DOCK7: variants seen among roughly 807,000 people sequenced by gnomAD.
The protein encoded by DOCK7 is dedicator of cytokinesis 7, also known as dedicator of cytokinesis protein 7.
A neutral mutation model predicts 271.0 loss-of-function variants in DOCK7; 138 were observed. The observed-to-expected ratio is 0.51, with a 90% CI of 0.44 to 0.59. The LOEUF (loss-of-function observed/expected upper bound fraction) is 0.59. Ranked by LOEUF, DOCK7 falls within the 20% of genes least tolerant of loss-of-function variation. The pLI, the probability that DOCK7 is intolerant of heterozygous loss-of-function variation, is 0.00. For synonymous variants in DOCK7, 823 were observed against 876.1 expected (o/e 0.94, Z 1.07); for missense variants, 2,066 against 2,592.4 (o/e 0.80, Z 4.41).
At chr1:62,501,291 G>A (rs1646776672) in intron 37 of DOCK7, among the ~76,000 whole-genome samples, 1 of 152,158 alleles carries the variant, frequency 6.6e-6, no homozygotes, top group Non-Finnish European at 1.5e-5. Flanking sequence ...CTGGTGGTAA[G>A]CAATATTTCA....
At chr1:62,572,788 A>G (rs1305475873) in intron 18 of DOCK7, among the ~76,000 whole-genome samples, 1 of 152,122 alleles carries the variant, frequency 6.6e-6, no homozygotes, top group Admixed American at 6.6e-5. Flanking sequence ...TCAACATATG[A>G]TTTTTTGGGG....
At chr1:62,555,800 C>T in intron 21 of DOCK7, 25 bp downstream of exon 21, 1 of 1,595,390 alleles carries the variant, frequency 6.3e-7, no homozygotes. Context: ...TGAAAGACAG[C>T]TTCATAGTAA....
intron 21 of DOCK7, among the ~76,000 whole-genome samples, chr1:62,553,650 G>GT (rs921438781): frequency 2.7e-5 from 4 of 150,524 alleles, no homozygotes; most frequent in African/African-American, 7.3e-5. Flanking sequence ...ACTGGGAAAT[G>GT]TTTTTTTTAG....
chr1:62,525,604 A>C (rs1363424169), intron 31 of DOCK7, among the ~76,000 whole-genome samples: 1 of 152,232 alleles, frequency 6.6e-6, no homozygotes, highest in Non-Finnish European at 1.5e-5. Context: ...GGGAGAGATC[A>C]AATTGAGGAA....
chr1:62,584,433 T>G, intron 15 of DOCK7: 1 of 995,564 alleles, frequency 1.0e-6, no homozygotes. Context: ...AAACACAGTA[T>G]GTCTATGTTT....
At chr1:62,547,908 T>C (rs536099713) in intron 22 of DOCK7, among the ~76,000 whole-genome samples, 1 of 152,292 alleles carries the variant, frequency 6.6e-6, no homozygotes, top group African/African-American at 2.4e-5. Flanking sequence ...ACCAAAACTT[T>C]CATAAAGTCA....
chr1:62,619,860 A>G, intron 13 of DOCK7, 40 bp downstream of exon 13: 1 of 1,317,524 alleles, frequency 7.6e-7, no homozygotes, highest in Non-Finnish European at 1.1e-6. Context: ...AGTAGTGATA[A>G]TAATAGTTGC....
intron 1 of DOCK7, among the ~76,000 whole-genome samples, chr1:62,670,194 G>T (rs910187055): frequency 6.6e-6 from 1 of 152,218 alleles, no homozygotes; most frequent in Non-Finnish European, 1.5e-5. Flanking sequence ...GCTCCTTTGC[G>T]GCCCGAGCCT....
At chr1:62,538,739 T>C (rs1473310642) in intron 27 of DOCK7, among the ~76,000 whole-genome samples, 1 of 152,210 alleles carries the variant, frequency 6.6e-6, no homozygotes, top group Non-Finnish European at 1.5e-5. Flanking sequence ...TTCTAAATAT[T>C]AGACTGCCAA....
chr1:62,491,350 A>G (rs1646459437), intron 41 of DOCK7, among the ~76,000 whole-genome samples: 1 of 152,216 alleles, frequency 6.6e-6, no homozygotes, highest in African/African-American at 2.4e-5. Flanking sequence ...GCGTGTCCTA[A>G]ACCTCGGTGC....
At position 62,504,637 on chromosome 1, in the gene DOCK7, A is replaced by G. The variant is rs985012299; in HGVS notation, c.4757T>C (p.Ile1586Thr). 21 of 1,609,966 alleles carry G rather than the reference A, an allele frequency of 1.3e-5. No homozygotes were observed. Among genetic ancestry groups the G allele is most frequent in the Non-Finnish European group, 1.8e-5 (21 of 1,178,858 alleles). The change falls in exon 37 of 50, where the codon ATT (isoleucine) becomes ACT (threonine). Residue 1586 changes from isoleucine to threonine, a missense_variant. Ile to Thr is a moderately conservative substitution (Grantham distance 89, BLOSUM62 -1). Coordinates refer to ENST00000635253, the MANE Select transcript of DOCK7 (RefSeq NM_001367561.1). ...TCATGATAAAATACTTACATTCCCA[A>G]TCTCAAAGTTTTGCCTCATTAGTAG... ...LYLLMRQNFE[I>T]GNNFARVKMQ...
chr1:62,510,740 G>T, intron 33 of DOCK7, 67 bp from the exon 34 acceptor site: 1 of 1,207,140 alleles, frequency 8.3e-7, no homozygotes, highest in Non-Finnish European at 1.2e-6. Flanking sequence ...ATGTATACTT[G>T]CAATCATGTA....
intron 7 of DOCK7, among the ~76,000 whole-genome samples, chr1:62,640,131 G>A (rs962651739): frequency 1.3e-5 from 2 of 151,926 alleles, no homozygotes; most frequent in African/African-American, 2.4e-5. Flanking sequence ...TACTTACAAC[G>A]ATGAAAGAAA....
At chr1:62,508,143 A>C in intron 34 of DOCK7, 85 bp from the exon 35 acceptor site, 4 of 1,221,026 alleles carry the variant, frequency 3.3e-6, no homozygotes, top group Non-Finnish European at 4.4e-6. Flanking sequence ...AGAAATAAAA[A>C]ATTTCAAACC....
At chr1:62,604,750 G>T in intron 14 of DOCK7, 2 of 1,613,096 alleles carry the variant, frequency 1.2e-6, no homozygotes, top group Middle Eastern at 1.7e-4. Context: ...TCTCAAAATG[G>T]AAGGTTATAC....
chr1:62,602,434 T>C, intron 14 of DOCK7: 2 of 1,491,412 alleles, frequency 1.3e-6, no homozygotes, highest in South Asian at 2.3e-5. Flanking sequence ...AAATATTTAC[T>C]GAGAACCTCT....
At chr1:62,592,794 T>C (rs552233515) in intron 14 of DOCK7, among the ~76,000 whole-genome samples, 4 of 152,140 alleles carry the variant, frequency 2.6e-5, no homozygotes, top group Non-Finnish European at 5.9e-5. Flanking sequence ...AAAGAGGAAC[T>C]CTCATATACT....
chr1:62,525,786 G>A (rs1274113477), intron 31 of DOCK7, among the ~76,000 whole-genome samples: 1 of 152,028 alleles, frequency 6.6e-6, no homozygotes, highest in Non-Finnish European at 1.5e-5. Context: ...TTGCTACACT[G>A]GAATTCATTA....
intron 12 of DOCK7, among the ~76,000 whole-genome samples, chr1:62,623,887 C>T (rs890262907): frequency 9.9e-5 from 15 of 152,246 alleles, no homozygotes; most frequent in Admixed American, 3.9e-4. Context: ...AAGTAGATTG[C>T]TATCTGTCTA....
Sources: allele counts gnomAD v4.1 joint callset (sites outside exome capture counted in the v4.1 genomes callset), GRCh38; gene constraint gnomAD v4.1.1; transcripts MANE v1.5; gene names NCBI Gene and HGNC (gene_info 2026-07-23, HGNC 2026-07-21).